Variants in FAM228B observed in about 807,000 individuals in gnomAD.
FAM228B encodes the protein protein FAM228B.
A neutral mutation model predicts 42.6 loss-of-function variants in FAM228B; 38 were observed. That is an observed-to-expected ratio of 0.89 (90% CI 0.69 to 1.17). The LOEUF is 1.17. FAM228B is among the 50% of genes most tolerant of loss of function. FAM228B has a pLI of 0.00. For synonymous variants in FAM228B, 109 were observed against 122.3 expected (o/e 0.89, Z 0.72); for missense variants, 344 against 367.3 (o/e 0.94, Z 0.52).
chr2:24,086,234 C>CAAA (rs57641176), intron 2 of FAM228B, among the ~76,000 whole-genome samples: 5 of 63,922 alleles, frequency 7.8e-5, no homozygotes, highest in Admixed American at 1.7e-4. Context: ...GACTCCGTCT[C>CAAA]AAAAAAAAAA....
chr2:24,133,060 C>G (rs1206128553), intron 2 of FAM228B, among the ~76,000 whole-genome samples: 3 of 152,176 alleles, frequency 2.0e-5, no homozygotes, highest in African/African-American at 7.2e-5. Context: ...CAAACTCTGT[C>G]TTCTAATTCC....
intron 7 of FAM228B, among the ~76,000 whole-genome samples, chr2:24,157,349 G>A (rs926399326): frequency 6.6e-6 from 1 of 152,026 alleles, no homozygotes; most frequent in Non-Finnish European, 1.5e-5. Flanking sequence ...ATTTTATTTG[G>A]TAGGTACTAT....
At chr2:24,101,435 G>T (rs949950725) in intron 3 of FAM228B, among the ~76,000 whole-genome samples, 2 of 151,636 alleles carry the variant, frequency 1.3e-5, no homozygotes, top group Non-Finnish European at 2.9e-5. Context: ...GTGACCACAG[G>T]GCTACTATAA....
At position 24,137,938 on chromosome 2, in the gene FAM228B, CT is replaced by C; in HGVS notation, c.200del (p.Phe67SerfsTer2). Reference sequence around the variant, plus strand: ...TAGATAAGTATTTACAACATCATGCCTTCTTAAATGCAAGAAGAAAGGAGAT... The same window carrying C: ...TAGATAAGTATTTACAACATCATGCCTCTTAAATGCAAGAAGAAAGGAGAT... The part of the protein sequence containing the change: ...ELDKYLQHHA[F>X]LNARRKEMLY... On this transcript the variant is annotated frameshift_variant, in exon 4 of 11. Coordinates refer to ENST00000615575, the MANE Select transcript of FAM228B (RefSeq NM_001145710.2). LOFTEE classifies it high-confidence loss of function. 2 of 1,538,254 alleles carry C rather than the reference CT, an allele frequency of 1.3e-6. No individual in the cohort carries two copies. Among genetic ancestry groups the C allele is most frequent in the Non-Finnish European group, 1.7e-6 (2 of 1,143,604 alleles).
At chr2:24,110,373 G>A (rs1665769535) in intron 3 of FAM228B, among the ~76,000 whole-genome samples, 1 of 152,172 alleles carries the variant, frequency 6.6e-6, no homozygotes, top group Non-Finnish European at 1.5e-5. Flanking sequence ...TAGCTTCAGG[G>A]CAGGGGCTGG....
At chr2:24,083,151 C>G (rs1248290157) in intron 2 of FAM228B, 1 of 1,603,348 alleles carries the variant, frequency 6.2e-7, no homozygotes, top group East Asian at 2.2e-5. Context: ...CTGGCCTTGT[C>G]TCTGCAGAGA....
At chr2:24,128,991 T>C (rs963552059) in intron 2 of FAM228B, among the ~76,000 whole-genome samples, 11 of 152,118 alleles carry the variant, frequency 7.2e-5, no homozygotes, top group African/African-American at 2.7e-4. Context: ...CCTCTAGGGA[T>C]TGATTCCCTA....
intron 7 of FAM228B, among the ~76,000 whole-genome samples, chr2:24,156,815 T>C (rs969226786): frequency 7.1e-6 from 1 of 140,734 alleles, no homozygotes; most frequent in Non-Finnish European, 1.6e-5. Flanking sequence ...ATCTTTTGTA[T>C]TTTTTGTTTG....
intron 7 of FAM228B, among the ~76,000 whole-genome samples, chr2:24,158,194 T>C (rs1573783690): frequency 7.9e-6 from 1 of 126,270 alleles, no homozygotes; most frequent in South Asian, 3.2e-4. Context: ...TCTCTGAACC[T>C]CCTTTTTTTT....
chr2:24,114,288 C>T (rs1001122448), intron 3 of FAM228B, among the ~76,000 whole-genome samples: 1 of 152,130 alleles, frequency 6.6e-6, no homozygotes, highest in Non-Finnish European at 1.5e-5. Context: ...TCCCGTTTCC[C>T]AATCTCCTGA....
intron 2 of FAM228B, chr2:24,081,099 T>C (rs1664982548): frequency 7.4e-7 from 1 of 1,344,534 alleles, no homozygotes; most frequent in Non-Finnish European, 9.9e-7. Flanking sequence ...AGGCATATTC[T>C]ATCAAGATCA....
intron 3 of FAM228B, among the ~76,000 whole-genome samples, chr2:24,108,430 C>T (rs1221835075): frequency 6.6e-6 from 1 of 152,064 alleles, no homozygotes; most frequent in African/African-American, 2.4e-5. Context: ...GGACTCCTCC[C>T]CAACTCATTC....
chr2:24,102,166 G>A (rs1300522447), intron 3 of FAM228B, among the ~76,000 whole-genome samples: 1 of 152,138 alleles, frequency 6.6e-6, no homozygotes, highest in Non-Finnish European at 1.5e-5. Flanking sequence ...AACTTAATTA[G>A]ATCTTGCTTC....
At chr2:24,091,379 G>C (rs1425372584) in intron 2 of FAM228B, among the ~76,000 whole-genome samples, 3 of 151,898 alleles carry the variant, frequency 2.0e-5, no homozygotes, top group African/African-American at 7.3e-5. Context: ...CTTGCAGTGA[G>C]CCGAGATCGC....
intron 2 of FAM228B, among the ~76,000 whole-genome samples, chr2:24,086,524 C>T (rs1048605138): frequency 2.6e-5 from 4 of 151,770 alleles, no homozygotes; most frequent in Non-Finnish European, 5.9e-5. Flanking sequence ...TCCCCACCCC[C>T]TCTTTCTCTC....
chr2:24,130,124 C>G (rs112406419), intron 2 of FAM228B, among the ~76,000 whole-genome samples: 24,608 of 152,156 alleles, frequency 0.16, 2,153 homozygotes, highest in South Asian at 0.21. Context: ...TCATCTATGT[C>G]CCTGCAAAGG....
At chr2:24,107,669 A>G (rs12477718) in intron 3 of FAM228B, among the ~76,000 whole-genome samples, 43,929 of 152,084 alleles carry the variant, frequency 0.29, 6,709 homozygotes, top group South Asian at 0.38. Context: ...AACCTGCTCC[A>G]AAATGACTTT....
Position 24,146,735 on chromosome 2 carries a change from G to A in FAM228B, c.442-13G>A. 6.5e-7 allele frequency: 1 copy of A among 1,534,486 alleles called. No individual in the cohort carries two copies. On this transcript the variant is annotated splice_polypyrimidine_tract_variant and intron_variant, in intron 5 of 10. Coordinates refer to ENST00000615575, the MANE Select transcript of FAM228B (RefSeq NM_001145710.2). The stretch of plus-strand genomic sequence containing the variant: ...CTTGCAACTCAGTGCTTAAACAAGT[G>A]CCTCTCTTGTAGGTTACCATCCCAC...
At chr2:24,152,005 A>G (rs1392219278) in intron 7 of FAM228B, among the ~76,000 whole-genome samples, 7 of 152,018 alleles carry the variant, frequency 4.6e-5, no homozygotes, top group Non-Finnish European at 1.0e-4. Context: ...AGTAGCTGGG[A>G]TTACAGATGT....
Sources: gnomAD v4.1 joint callset for allele counts (sites outside exome capture counted in the v4.1 genomes callset) on GRCh38, gnomAD v4.1.1 for gene constraint, MANE v1.5 for transcripts, NCBI Gene and HGNC (gene_info 2026-07-23, HGNC 2026-07-21) for gene names.